The following ZC3H12B variants were observed in gnomAD, a reference collection of about 807,000 sequenced individuals.
ZC3H12B encodes probable ribonuclease ZC3H12B.
In ZC3H12B, 7 loss-of-function variants were observed where a neutral mutation model predicts 43.9. The ratio of observed to expected loss-of-function variants is 0.16; its 90% CI spans 0.09 to 0.30. The LOEUF is 0.30. Among genes scored for constraint, ZC3H12B ranks in the 10% least tolerant of loss-of-function variants. The pLI is 1.00. For missense variants in ZC3H12B, 475 were observed against 670.2 expected, an observed-to-expected ratio of 0.71 and a Z score of 3.22; for synonymous variants, 222 against 241.7, an observed-to-expected ratio of 0.92 and a Z score of 0.76.
intron 3 of ZC3H12B, among the ~76,000 whole-genome samples, chrX:65,465,931 C>T (rs2067812038): frequency 9.1e-6 from 1 of 109,945 alleles, no homozygotes; most frequent in Non-Finnish European, 1.9e-5. Context: ...TATGTACACA[C>T]ACATTGTAAA....
the ZC3H12B span, among the ~76,000 whole-genome samples, chrX:65,112,101 G>A: frequency 6.2e-5 from 7 of 112,182 alleles, no homozygotes; most frequent in Admixed American, 3.8e-4. Flanking sequence ...TAAATGACAC[G>A]AAAGTAAAAC....
chrX:65,236,478 T>G, the ZC3H12B span, among the ~76,000 whole-genome samples: 1 of 111,940 alleles, frequency 8.9e-6, no homozygotes, highest in Non-Finnish European at 1.9e-5. Flanking sequence ...TAGCAAAAAT[T>G]TTCTCTTTCT....
At chrX:65,183,302 A>G in the ZC3H12B span, among the ~76,000 whole-genome samples, 1 of 112,036 alleles carries the variant, frequency 8.9e-6, no homozygotes, top group African/African-American at 3.2e-5. Flanking sequence ...TCCTAAGCAA[A>G]CTAACGCAGG....
chrX:65,385,143 G>T (rs925353216), intron 2 of ZC3H12B, among the ~76,000 whole-genome samples: 1 of 112,103 alleles, frequency 8.9e-6, no homozygotes, highest in African/African-American at 3.2e-5. Context: ...CTCTTTTTCG[G>T]TTCTGTGTGA....
chrX:65,126,494 C>A, the ZC3H12B span, among the ~76,000 whole-genome samples: 2 of 111,039 alleles, frequency 1.8e-5, no homozygotes, highest in African/African-American at 6.5e-5. Flanking sequence ...AGGAATTTCC[C>A]AGGTGTTCTT....
intron 3 of ZC3H12B, among the ~76,000 whole-genome samples, chrX:65,460,406 T>C (rs1415815543): frequency 1.8e-5 from 2 of 111,866 alleles, no homozygotes; most frequent in Non-Finnish European, 3.8e-5. Context: ...GCCAAGTGAA[T>C]CCTAAACCAA....
chrX:65,500,512 C>G (rs1351560902), intron 4 of ZC3H12B, among the ~76,000 whole-genome samples: 1 of 111,885 alleles, frequency 8.9e-6, no homozygotes, highest in African/African-American at 3.3e-5. Flanking sequence ...ACTGCAACCT[C>G]CGCTTCCCGG....
At chrX:65,351,705 C>A in the ZC3H12B span, among the ~76,000 whole-genome samples, 2 of 112,328 alleles carry the variant, frequency 1.8e-5, no homozygotes, top group Non-Finnish European at 3.8e-5. Context: ...AGCTAACAGA[C>A]GTATGAAAAA....
chrX:65,339,966 G>A, the ZC3H12B span, among the ~76,000 whole-genome samples: 2 of 111,297 alleles, frequency 1.8e-5, no homozygotes, highest in Non-Finnish European at 3.8e-5. Flanking sequence ...ACTACTGCTG[G>A]TGGGAGTGCA....
chrX:65,131,851 A>G, the ZC3H12B span, among the ~76,000 whole-genome samples: 1 of 111,701 alleles, frequency 9.0e-6, no homozygotes, highest in Admixed American at 9.5e-5. Context: ...CCCTTGGAGA[A>G]TAAATGTTGA....
intron 3 of ZC3H12B, among the ~76,000 whole-genome samples, chrX:65,404,116 G>A (rs2066795732): frequency 8.9e-6 from 1 of 111,950 alleles, no homozygotes; most frequent in Non-Finnish European, 1.9e-5. Context: ...ATAGAATTTT[G>A]TGTTAGTTTT....
chrX:65,443,821 G>A (rs904964777), intron 3 of ZC3H12B, among the ~76,000 whole-genome samples: 2 of 112,494 alleles, frequency 1.8e-5, no homozygotes, highest in African/African-American at 6.5e-5. Flanking sequence ...CCAGTTTATG[G>A]CCAGACTTTG....
the ZC3H12B span, among the ~76,000 whole-genome samples, chrX:65,105,257 G>T: frequency 9.1e-6 from 1 of 109,594 alleles, no homozygotes; most frequent in Admixed American, 9.8e-5. Flanking sequence ...CTGTCGGGGG[G>T]TGGGGGACAA....
the ZC3H12B span, among the ~76,000 whole-genome samples, chrX:65,120,534 T>G: frequency 3.6e-5 from 4 of 111,813 alleles, no homozygotes; most frequent in East Asian, 8.5e-4. Context: ...CCTATCAGCT[T>G]AAGGAGATTT....
chrX:65,127,535 C>A, the ZC3H12B span, among the ~76,000 whole-genome samples: 1 of 110,778 alleles, frequency 9.0e-6, no homozygotes, highest in African/African-American at 3.3e-5. Flanking sequence ...CCTAGGGACA[C>A]CTGGTTAAGT....
the ZC3H12B span, among the ~76,000 whole-genome samples, chrX:65,190,352 G>A: frequency 1.8e-5 from 2 of 111,134 alleles, no homozygotes; most frequent in African/African-American, 6.6e-5. Flanking sequence ...TTGGTAGCTT[G>A]ATGGGGATGG....
At chrX:65,374,483 G>A (rs2066317371) in intron 2 of ZC3H12B, among the ~76,000 whole-genome samples, 1 of 107,247 alleles carries the variant, frequency 9.3e-6, no homozygotes, top group Non-Finnish European at 1.9e-5. Context: ...GATTACGGAT[G>A]GAGTAAGATG....
chrX:65,278,474 G>C, the ZC3H12B span, among the ~76,000 whole-genome samples: 3 of 111,640 alleles, frequency 2.7e-5, no homozygotes, highest in Non-Finnish European at 5.7e-5. Flanking sequence ...AGCAGCTCAA[G>C]CCATTGCTCT....
At chrX:65,406,934 CG>C (rs1159842620) in intron 3 of ZC3H12B, among the ~76,000 whole-genome samples, 2 of 112,381 alleles carry the variant, frequency 1.8e-5, no homozygotes, top group Non-Finnish European at 1.9e-5. Flanking sequence ...GTTTGCCCGC[CG>C]GGGAGGGTGG....
Sources: gnomAD v4.1 joint callset for allele counts (sites outside exome capture counted in the v4.1 genomes callset) on GRCh38, gnomAD v4.1.1 for gene constraint, MANE v1.5 for transcripts, NCBI Gene and HGNC (gene_info 2026-07-23, HGNC 2026-07-21) for gene names.